The following RCHY1 variants were observed in gnomAD, a reference collection of about 807,000 sequenced individuals.
RCHY1 encodes ring finger and CHY zinc finger domain containing 1.
Under a neutral mutation model 41.6 loss-of-function variants are expected in RCHY1, and 21 were observed. That is an observed-to-expected ratio of 0.51 (90% CI 0.36 to 0.73). The LOEUF (loss-of-function observed/expected upper bound fraction) is 0.73, where lower values mean the gene tolerates loss of function less well. RCHY1 is among the 30% of genes least tolerant of loss of function. The probability of loss-of-function intolerance (pLI) is 0.00; values close to 1 mark genes in which losing one functional copy is unlikely to be tolerated. For missense variants in RCHY1, 265 were observed against 325.3 expected (o/e 0.81, Z 1.43); for synonymous variants, 79 against 102.9 (o/e 0.77, Z 1.41).
At chr4:75,487,657 TATATATATTC>T (rs1203749361) in intron 8 of RCHY1, among the ~76,000 whole-genome samples, 4 of 29,996 alleles carry the variant, frequency 1.3e-4, no homozygotes, top group Non-Finnish European at 1.8e-4. Context: ...ATATTCATAA[TATATATATTC>T]ATATATATTC....
chr4:75,489,608 T>TA (rs1406572310), intron 8 of RCHY1, among the ~76,000 whole-genome samples: 2 of 152,198 alleles, frequency 1.3e-5, no homozygotes, highest in Non-Finnish European at 2.9e-5. Context: ...GTTGACCCCT[T>TA]ACGAAATAAT....
intron 3 of RCHY1, among the ~76,000 whole-genome samples, chr4:75,501,021 TA>T (rs1417926094): frequency 6.6e-6 from 1 of 152,174 alleles, no homozygotes. Flanking sequence ...AATATGTATA[TA>T]TTTTTAGACA....
chr4:75,514,485 C>T (rs970115159), upstream of RCHY1: 15 of 544,958 alleles, frequency 2.8e-5, no homozygotes, highest in African/African-American at 2.2e-4. Flanking sequence ...ACGCAGTCTC[C>T]GTCGTTGACG....
intron 3 of RCHY1, among the ~76,000 whole-genome samples, chr4:75,495,727 C>G (rs563209779): frequency 1.3e-5 from 2 of 152,148 alleles, no homozygotes; most frequent in South Asian, 4.1e-4. Context: ...CTTTCTTGAA[C>G]CACCATTACT....
intron 3 of RCHY1, among the ~76,000 whole-genome samples, chr4:75,507,764 A>T (rs1388990267): frequency 6.6e-6 from 1 of 152,146 alleles, no homozygotes; most frequent in Admixed American, 6.6e-5. Flanking sequence ...GGTCAATCAT[A>T]CAGGAAAATG....
At position 75,501,567 on chromosome 4, in the gene RCHY1, C is replaced by T. The variant is rs568169348; in HGVS notation, c.326+7253G>A. ...AAAAGATAAAATGCCTCCTAAAATGCCTACTTGAAGTGAACATAATTATTT... is the reference window on the plus strand; with the variant it reads ...AAAAGATAAAATGCCTCCTAAAATGTCTACTTGAAGTGAACATAATTATTT... On this transcript the variant is annotated intron_variant, in intron 3 of 8. Transcript: ENST00000324439. 6.6e-5 allele frequency among the ~76,000 whole-genome samples: 10 copies of T among 152,210 alleles called. No individual in the cohort carries two copies. In the South Asian group the frequency reaches 2.1e-3, roughly 32 times the overall value.
intron 3 of RCHY1, 157 bp from the exon 4 acceptor site, chr4:75,494,336 A>C: frequency 1.6e-6 from 1 of 619,244 alleles, no homozygotes; most frequent in Non-Finnish European, 2.9e-6. Context: ...TCCCTCTCCA[A>C]ATGTAAGCAC....
At chr4:75,487,720 ATATATATTCATAATATATATTC>A (rs1722302404) in intron 8 of RCHY1, among the ~76,000 whole-genome samples, 1 of 82,594 alleles carries the variant, frequency 1.2e-5, no homozygotes, top group East Asian at 2.9e-4. Context: ...ATATATTCAT[ATATATATTCATAATATATATTC>A]ATATATATAT....
chr4:75,482,580 A>C lies in RCHY1; in HGVS notation c.744T>G (p.Thr248=), dbSNP rs1721605997. 3.1e-6 allele frequency: 5 copies of C among 1,611,030 alleles called. No homozygotes were observed. Among genetic ancestry groups the C allele is most frequent in the Admixed American group, 3.3e-5 (2 of 59,722 alleles). ...AAATTCTACGTCCTCCAGCTTGAGC[A>C]GTATTATAGGATTCACAAATCTTAC... ...MKCKICESYN[T]AQAGGRRISL... Residue 248 remains threonine, a synonymous_variant, in exon 9 of 9, where the codon ACT becomes ACG. Transcript: ENST00000324439.
intron 1 of RCHY1, 191 bp downstream of exon 1, chr4:75,514,006 G>T: frequency 1.3e-6 from 1 of 769,802 alleles, no homozygotes; most frequent in Non-Finnish European, 2.0e-6. Flanking sequence ...AAGGTACGAA[G>T]CAGGTAGGAA....
intron 3 of RCHY1, among the ~76,000 whole-genome samples, chr4:75,501,221 C>A (rs1425778407): frequency 1.3e-5 from 2 of 152,194 alleles, no homozygotes; most frequent in African/African-American, 2.4e-5. Context: ...GTTGGTCAGG[C>A]TGGTCTCAAA....
intron 8 of RCHY1, among the ~76,000 whole-genome samples, chr4:75,482,867 GA>G (rs1423563566): frequency 2.0e-5 from 3 of 147,904 alleles, no homozygotes; most frequent in South Asian, 4.4e-4. Context: ...TTCAGAAAAT[GA>G]AAAGGCAGAT....
At chr4:75,513,360 C>A (rs1172313319) in intron 1 of RCHY1, among the ~76,000 whole-genome samples, 2 of 152,136 alleles carry the variant, frequency 1.3e-5, no homozygotes, top group Non-Finnish European at 2.9e-5. Context: ...TCAGGGAATG[C>A]GCCCTGTTAA....
intron 4 of RCHY1, among the ~76,000 whole-genome samples, 187 bp from the exon 5 acceptor site, chr4:75,492,120 C>T (rs1417930669): frequency 6.6e-6 from 1 of 151,838 alleles, no homozygotes; most frequent in Non-Finnish European, 1.5e-5. Flanking sequence ...TCAGGCTTGG[C>T]ATATTATCTG....
chr4:75,494,101 C>G lies in RCHY1; in HGVS notation c.405G>C (p.Lys135Asn). Residue 135 changes from lysine (K) to asparagine (N), a missense_variant and splice_region_variant, in exon 4 of 9, where the codon AAG (lysine) becomes AAC (asparagine). Physicochemically the swap from Lys to Asn is moderately conservative, Grantham distance 94 (BLOSUM62 0). Coordinates refer to ENST00000324439, the MANE Select transcript of RCHY1 (RefSeq NM_015436.4). ...CLAMNLQGRH[K>N]CIENVSRQNC... ...AAATTATACAAACTAAATTATATAC[C>G]TTGTGTCTTCCTTGAAGATTCATAG... 6.6e-7 allele frequency: 1 copy of G among 1,504,584 alleles called. No individual in the cohort carries two copies. Among genetic ancestry groups the G allele is most frequent in the Non-Finnish European group, 9.0e-7 (1 of 1,111,720 alleles). The allele number at this position is 1,504,584 out of a possible 1,614,324, so 93.2% of individuals were successfully genotyped here.
chr4:75,504,907 A>C (rs979289602), intron 3 of RCHY1, among the ~76,000 whole-genome samples: 2 of 152,234 alleles, frequency 1.3e-5, no homozygotes, highest in African/African-American at 4.8e-5. Context: ...GTAAATGGCG[A>C]TGACTAATTT....
At chr4:75,492,669 T>C (rs1578215370) in intron 4 of RCHY1, among the ~76,000 whole-genome samples, 1 of 151,698 alleles carries the variant, frequency 6.6e-6, no homozygotes, top group South Asian at 2.1e-4. Context: ...CTTAGTAATA[T>C]AGACAATAAA....
chr4:75,482,416 G>A lies in RCHY1; in HGVS notation c.*122C>T. ...CGTACTTGTAATATGATTTTATGCTGTGACACTAGTACAAAACACATCAAC... is the reference window on the plus strand; with the variant it reads ...CGTACTTGTAATATGATTTTATGCTATGACACTAGTACAAAACACATCAAC... On this transcript the variant is annotated 3_prime_UTR_variant, in exon 9 of 9. Transcript: ENST00000324439. 1 of 797,798 alleles carries A rather than the reference G, an allele frequency of 1.3e-6. No individual in the cohort carries two copies. The highest frequency in any genetic ancestry group is 1.8e-6 in the Non-Finnish European group (1 of 546,826). The allele number at this position is 797,798 out of a possible 1,614,324, so 49.4% of individuals were successfully genotyped here. A position where few individuals can be genotyped will look rare whatever the true frequency, so the allele number is the denominator to read the frequency against.
rs543599363 is a variant in RCHY1 at position 75,501,948 on chromosome 4, C to A, written c.326+6872G>T. Among the ~76,000 whole-genome samples, 24 of 151,980 alleles carry A rather than the reference C, an allele frequency of 1.6e-4. 1 individual carries two copies. The highest frequency in any genetic ancestry group is 5.6e-4 in the African/African-American group (23 of 41,374). ...ACAAAATTAGCCAGGCATGGTGGCA[C>A]ATGCCTGTAATGCCAGCTACTCGGG... On this transcript the variant is annotated intron_variant, in intron 3 of 8. Transcript: ENST00000324439.
Sources: allele counts gnomAD v4.1 joint callset (sites outside exome capture counted in the v4.1 genomes callset), GRCh38; gene constraint gnomAD v4.1.1; transcripts MANE v1.5; gene names NCBI Gene and HGNC (gene_info 2026-07-23, HGNC 2026-07-21).